Variants in ERBB4 observed in about 807,000 individuals in gnomAD.
ERBB4 encodes erb-b2 receptor tyrosine kinase 4.
ERBB4 carries 42 observed loss-of-function variants against 158.0 expected under a neutral mutation model. The observed-to-expected ratio is 0.27, with a 90% CI of 0.21 to 0.34. The LOEUF (loss-of-function observed/expected upper bound fraction) is 0.34. ERBB4 is among the 10% of genes least tolerant of loss of function. ERBB4 has a pLI of 1.00. For missense variants in ERBB4, 1,333 were observed against 1,624.1 expected (o/e 0.82, Z 3.08); for synonymous variants, 583 against 558.7 (o/e 1.04, Z -0.61).
At chr2:211,637,195 G>A (rs550692591) in intron 16 of ERBB4, among the ~76,000 whole-genome samples, 198 of 152,008 alleles carry the variant, frequency 1.3e-3, no homozygotes, top group Non-Finnish European at 1.9e-3. Flanking sequence ...GAGGACAAAT[G>A]TATGCTCAGG....
intron 1 of ERBB4, among the ~76,000 whole-genome samples, chr2:212,430,971 A>G (rs2092014945): frequency 6.6e-6 from 1 of 152,084 alleles, no homozygotes; most frequent in African/African-American, 2.4e-5. Flanking sequence ...CATTGATGTA[A>G]ATAATAAATA....
At chr2:212,036,153 C>T (rs966515840) in intron 2 of ERBB4, among the ~76,000 whole-genome samples, 1 of 152,072 alleles carries the variant, frequency 6.6e-6, no homozygotes, top group Non-Finnish European at 1.5e-5. Flanking sequence ...AACCTCATTG[C>T]TATCTACTTG....
At chr2:211,501,395 T>C (rs1390555910) in intron 20 of ERBB4, among the ~76,000 whole-genome samples, 1 of 151,844 alleles carries the variant, frequency 6.6e-6, no homozygotes, top group Non-Finnish European at 1.5e-5. Context: ...AGATTATGGA[T>C]ACCCCAACTA....
chr2:211,762,570 T>TG (rs1171230074), intron 4 of ERBB4, among the ~76,000 whole-genome samples: 3 of 152,190 alleles, frequency 2.0e-5, no homozygotes, highest in Non-Finnish European at 4.4e-5. Context: ...TAGATGTCAC[T>TG]GATGTGGGGG....
intron 1 of ERBB4, among the ~76,000 whole-genome samples, chr2:212,352,591 G>T (rs1425498260): frequency 2.6e-5 from 4 of 152,266 alleles, no homozygotes; most frequent in African/African-American, 9.6e-5. Context: ...GAACTGGCCA[G>T]GTGTGGTGGC....
rs71054202 is a variant in ERBB4, at chr2:212,374,021, C to CATAT, written c.82+164424_82+164427dup. On this transcript the variant is annotated intron_variant, in intron 1 of 27. Transcript: ENST00000342788. ...CCATATATATATATCCATATATATC[C>CATAT]ATATATATATATCCATATATATCCA... Among the ~76,000 whole-genome samples the CATAT allele has an allele frequency of 1.3e-3, 97 of 77,564 alleles. 5 individuals carry two copies. The highest frequency in any genetic ancestry group is 3.2e-3 in the African/African-American group (84 of 26,044). The allele number at this position is 77,564 out of a possible 152,430, so 50.9% of individuals were successfully genotyped here. A position where few individuals can be genotyped will look rare whatever the true frequency, so the allele number is the denominator to read the frequency against.
At chr2:212,089,157 G>C (rs1230825078) in intron 2 of ERBB4, among the ~76,000 whole-genome samples, 6 of 151,986 alleles carry the variant, frequency 3.9e-5, no homozygotes, top group African/African-American at 1.5e-4. Context: ...ATACCAACCT[G>C]ATTTCACATT....
chr2:211,595,825 T>C lies in ERBB4; in HGVS notation c.2301+23352A>G, dbSNP rs563926179. ...TGAAAGGGTCAAGTTTTTGTATACG[T>C]GGGTTCTTCAGGCTGACTGTGGGAC... On this transcript the variant is annotated intron_variant, in intron 19 of 27. Transcript: ENST00000342788. Among the ~76,000 whole-genome samples the C allele has an allele frequency of 1.8e-4, 28 of 152,310 alleles. No homozygotes were observed. The South Asian group carries it at 5.2e-3, about 28-fold the overall frequency.
rs192296553 is a variant in ERBB4, at chr2:212,008,043, T to G, written c.235-60427A>C. On this transcript the variant is annotated intron_variant, in intron 2 of 27. Coordinates refer to ENST00000342788, the MANE Select transcript of ERBB4 (RefSeq NM_005235.3). ...TAAGTGGATAACAAACATAAGCATATTCATCTATTTTATTTCTAAAAATGT... is the reference window on the plus strand; with the variant it reads ...TAAGTGGATAACAAACATAAGCATAGTCATCTATTTTATTTCTAAAAATGT... Among the ~76,000 whole-genome samples the G allele has an allele frequency of 3.4e-4, 51 of 152,136 alleles. No individual in the cohort carries two copies. In the East Asian group the frequency reaches 7.9e-3, roughly 24 times the overall value.
At chr2:212,152,098 T>C (rs989902337) in intron 1 of ERBB4, among the ~76,000 whole-genome samples, 12 of 152,178 alleles carry the variant, frequency 7.9e-5, no homozygotes, top group Admixed American at 2.6e-4. Context: ...TAATAGATCA[T>C]AAGGCTCTAT....
chr2:211,753,441 T>A (rs1370553014), intron 4 of ERBB4, among the ~76,000 whole-genome samples: 1 of 152,168 alleles, frequency 6.6e-6, no homozygotes, highest in South Asian at 2.1e-4. Flanking sequence ...ATCACCTTCT[T>A]AGAGTTTAGA....
intron 1 of ERBB4, among the ~76,000 whole-genome samples, chr2:212,522,869 G>A (rs999021128): frequency 7.9e-5 from 12 of 151,952 alleles, no homozygotes; most frequent in Non-Finnish European, 1.5e-4. Flanking sequence ...GGCACCAGAC[G>A]TAATGCATAA....
chr2:212,267,091 GCACA>G (rs1173886983), intron 1 of ERBB4, among the ~76,000 whole-genome samples: 1 of 151,858 alleles, frequency 6.6e-6, no homozygotes, highest in Admixed American at 6.6e-5. Flanking sequence ...TTACAGCTGT[GCACA>G]CAGAGTATAA....
chr2:212,466,482 T>C (rs947376774), intron 1 of ERBB4, among the ~76,000 whole-genome samples: 1 of 152,154 alleles, frequency 6.6e-6, no homozygotes, highest in Non-Finnish European at 1.5e-5. Context: ...GTTCTTATGA[T>C]AGTGAATGGG....
At chr2:212,184,999 G>GATATCAC (rs1418745839) in intron 1 of ERBB4, among the ~76,000 whole-genome samples, 1 of 143,352 alleles carries the variant, frequency 7.0e-6, no homozygotes, top group Non-Finnish European at 1.5e-5. Context: ...ATGTCCATTA[G>GATATCAC]ATATCACAGT....
At chr2:211,455,257 T>C (rs1483543395) in intron 20 of ERBB4, among the ~76,000 whole-genome samples, 1 of 152,246 alleles carries the variant, frequency 6.6e-6, no homozygotes, top group East Asian at 1.9e-4. Flanking sequence ...TAACTGCAAG[T>C]CTCTGATGGA....
At chr2:212,318,128 A>C (rs985664494) in intron 1 of ERBB4, among the ~76,000 whole-genome samples, 1 of 151,574 alleles carries the variant, frequency 6.6e-6, no homozygotes, top group Non-Finnish European at 1.5e-5. Flanking sequence ...CAGTAAACTG[A>C]GTCTCAGAAG....
At chr2:211,386,310 A>C (rs533558139) in intron 27 of ERBB4, among the ~76,000 whole-genome samples, 1 of 152,354 alleles carries the variant, frequency 6.6e-6, no homozygotes, top group Non-Finnish European at 1.5e-5. Flanking sequence ...TTGTAAGTAT[A>C]TACAGGGTCA....
At chr2:211,779,413 C>A (rs1405886970) in intron 4 of ERBB4, 3 of 152,204 alleles carry the variant, frequency 2.0e-5, no homozygotes, top group African/African-American at 7.2e-5. Flanking sequence ...GCTTTGTCCA[C>A]TGATTCTCCT....
Sources: allele counts gnomAD v4.1 joint callset (sites outside exome capture counted in the v4.1 genomes callset), GRCh38; gene constraint gnomAD v4.1.1; transcripts MANE v1.5; gene names NCBI Gene and HGNC (gene_info 2026-07-23, HGNC 2026-07-21).